Variants in ZNF644 observed in about 807,000 individuals in gnomAD.
The protein encoded by ZNF644 is zinc finger motif enhancer binding protein 2.
ZNF644 carries 20 observed loss-of-function variants against 108.0 expected under a neutral mutation model. The observed-to-expected ratio is 0.19, with a 90% CI of 0.13 to 0.27. The LOEUF (loss-of-function observed/expected upper bound fraction) is 0.27, where lower values mean the gene tolerates loss of function less well. ZNF644 is among the 10% of genes least tolerant of loss of function. The pLI is 1.00. For missense variants in ZNF644, 1,338 were observed against 1,548.9 expected (o/e 0.86, Z 2.29); for synonymous variants, 542 against 539.1 (o/e 1.01, Z -0.08).
intron 2 of ZNF644, among the ~76,000 whole-genome samples, chr1:90,950,334 G>GAAAAGAAAAC (rs1553151499): frequency 2.0e-5 from 2 of 102,482 alleles, no homozygotes; most frequent in Non-Finnish European, 4.6e-5. Context: ...CAAAAGAAAA[G>GAAAAGAAAAC]AAAAGAAAAG....
At chr1:90,961,674 T>A (rs910574819) in intron 2 of ZNF644, among the ~76,000 whole-genome samples, 1 of 152,178 alleles carries the variant, frequency 6.6e-6, no homozygotes, top group Non-Finnish European at 1.5e-5. Flanking sequence ...GGAATGTATA[T>A]TTTTCTCAAA....
chr1:90,953,142 G>A (rs1006970947), intron 2 of ZNF644, among the ~76,000 whole-genome samples: 1 of 151,876 alleles, frequency 6.6e-6, no homozygotes, highest in African/African-American at 2.4e-5. Flanking sequence ...TGTCAGACAA[G>A]GTCATTGTGC....
At chr1:90,960,869 C>A (rs1654268160) in intron 2 of ZNF644, among the ~76,000 whole-genome samples, 1 of 152,034 alleles carries the variant, frequency 6.6e-6, no homozygotes, top group Non-Finnish European at 1.5e-5. Flanking sequence ...GCAGAGAAAA[C>A]AAAGGAGTAA....
chr1:90,924,156 TA>T (rs1649767033), intron 4 of ZNF644, among the ~76,000 whole-genome samples: 1 of 152,146 alleles, frequency 6.6e-6, no homozygotes, highest in South Asian at 2.1e-4. Context: ...TACCCAAAGC[TA>T]AAAAAGCTAA....
chr1:91,001,590 A>G (rs34681680), intron 1 of ZNF644, among the ~76,000 whole-genome samples: 47,529 of 151,918 alleles, frequency 0.31, 7,718 homozygotes, highest in Middle Eastern at 0.43. Context: ...TACTGAATGG[A>G]CAAAAACTGG....
chr1:90,940,449 C>G lies in ZNF644; in HGVS notation c.905G>C (p.Arg302Pro), dbSNP rs148111132. Residue 302 changes from arginine (R) to proline (P), a missense_variant, in exon 3 of 6, where the codon CGT becomes CCT. Physicochemically the swap from Arg to Pro is moderately radical, Grantham distance 103. This residue lies in a region of ZNF644 where 464 missense variants were observed against 457.9 expected (regional missense o/e 1.01). Transcript: ENST00000337393. ...KRKMDVSKIT[R>P]YTEDCFSDSN... The stretch of plus-strand genomic sequence containing the variant: ...ATCACTAAAGCAATCCTCGGTATAA[C>G]GAGTTATCTTGCTTACATCCATTTT... The G allele has an allele frequency of 6.2e-7, 1 of 1,613,478 alleles. No individual in the cohort carries two copies. Among genetic ancestry groups the G allele is most frequent in the Admixed American group, 1.7e-5 (1 of 59,904 alleles).
chr1:91,011,723 T>C (rs550173756), intron 1 of ZNF644, among the ~76,000 whole-genome samples: 3 of 152,224 alleles, frequency 2.0e-5, no homozygotes, highest in Admixed American at 6.5e-5. Context: ...AGTTATATTC[T>C]ACTTTTCTGT....
chr1:90,937,602 G>C lies in ZNF644; in HGVS notation c.3571C>G (p.Gln1191Glu), dbSNP rs749519607. The change falls in exon 4 of 6, where the codon CAA becomes GAA. Residue 1191 changes from glutamine (Q) to glutamate (E), a missense_variant. This residue lies in a region of ZNF644 where 287 missense variants were observed against 310.9 expected (regional missense o/e 0.92). Transcript: ENST00000337393. ...CTTGCTGTCTGATTATGGATCTTTT[G>C]AGGAGAAATAGCAGAATTCCTTTCT... Reference protein sequence around the residue: ...GEERNSAISPQKIHNQTARKR... With the variant: ...GEERNSAISPEKIHNQTARKR... 1.2e-6 allele frequency: 2 copies of C among 1,613,746 alleles called. No homozygotes were observed. The highest frequency in any genetic ancestry group is 2.7e-5 in the African/African-American group (2 of 74,898).
chr1:90,975,204 C>T (rs1655873167), intron 2 of ZNF644, among the ~76,000 whole-genome samples: 1 of 152,176 alleles, frequency 6.6e-6, no homozygotes, highest in Non-Finnish European at 1.5e-5. Flanking sequence ...ATAAAACAGA[C>T]ATGGCCCTTG....
At chr1:90,964,409 C>A (rs1361412287) in intron 2 of ZNF644, among the ~76,000 whole-genome samples, 1 of 152,002 alleles carries the variant, frequency 6.6e-6, no homozygotes, top group African/African-American at 2.4e-5. Flanking sequence ...AGGTTTCTAT[C>A]AAAAATGTAT....
intron 2 of ZNF644, among the ~76,000 whole-genome samples, chr1:90,979,724 T>G (rs1441244787): frequency 6.6e-6 from 1 of 152,150 alleles, no homozygotes; most frequent in Non-Finnish European, 1.5e-5. Context: ...TCTACTTGTA[T>G]TAGTCTAACA....
At chr1:90,941,372 G>A in intron 2 of ZNF644, 63 bp from the exon 3 acceptor site, 3 of 1,425,316 alleles carry the variant, frequency 2.1e-6, no homozygotes, top group Non-Finnish European at 2.9e-6. Flanking sequence ...AGAATGTATG[G>A]AGAGTTGAAA....
In ZNF644 at chr1:90,940,812, A is replaced by G. The variant is rs940776809; in HGVS notation, c.542T>C (p.Val181Ala). 3.1e-6 allele frequency: 5 copies of G among 1,613,992 alleles called. No individual in the cohort carries two copies. The highest frequency in any genetic ancestry group is 4.2e-6 in the Non-Finnish European group (5 of 1,179,970). ...ATGGGTGGGATTCTTAGCATGTGCT[A>G]CATCTGATAACAAAAATAAAACTTG... ...QHQVLFLLSD[V>A]AHAKNPTHSN... The change falls in exon 3 of 6, where the codon GTA (valine) becomes GCA (alanine). Residue 181 changes from valine (V) to alanine (A), a missense_variant. Val to Ala is a moderately conservative substitution (Grantham distance 64). Transcript: ENST00000337393.
At position 90,940,864 on chromosome 1, in the gene ZNF644, A is replaced by C. The variant is rs1190124608; in HGVS notation, c.490T>G (p.Ser164Ala). The C allele has an allele frequency of 1.2e-6, 2 of 1,614,052 alleles. No homozygotes were observed. The highest frequency in any genetic ancestry group is 2.2e-5 in the South Asian group (2 of 91,082). ...TLKVAADLQLSTPQKASQHQV... is the reference protein window; with the variant it reads ...TLKVAADLQLATPQKASQHQV... The stretch of plus-strand genomic sequence containing the variant: ...TGTTGACTTGCTTTCTGTGGTGTAG[A>C]CAGCTGAAGATCAGCTGCTACCTTC... The change falls in exon 3 of 6, where the codon TCT becomes GCT. Residue 164 changes from serine (S) to alanine (A), a missense_variant. By Grantham distance (99) the Ser-to-Ala change is moderately conservative. Transcript: ENST00000337393.
At chr1:91,002,776 C>G (rs1299888660) in intron 1 of ZNF644, among the ~76,000 whole-genome samples, 1 of 152,116 alleles carries the variant, frequency 6.6e-6, no homozygotes, top group Non-Finnish European at 1.5e-5. Flanking sequence ...TTGCAATTTA[C>G]TCATCTGACA....
At chr1:90,972,502 T>C (rs926302585) in intron 2 of ZNF644, among the ~76,000 whole-genome samples, 14 of 152,114 alleles carry the variant, frequency 9.2e-5, no homozygotes, top group African/African-American at 3.1e-4. Flanking sequence ...ACAGGAACAT[T>C]TGTGCACTGT....
chr1:91,007,211 T>C (rs1324634789), intron 1 of ZNF644, among the ~76,000 whole-genome samples: 1 of 148,194 alleles, frequency 6.7e-6, no homozygotes, highest in African/African-American at 2.5e-5. Flanking sequence ...ATTTCTTCCA[T>C]TTTCTCCCAT....
chr1:90,998,471 C>G (rs966318636), intron 1 of ZNF644, among the ~76,000 whole-genome samples: 3 of 152,226 alleles, frequency 2.0e-5, no homozygotes, highest in African/African-American at 7.2e-5. Flanking sequence ...CCCAACAGAC[C>G]TGCAGCTGAG....
At chr1:90,928,545 G>A (rs1389933354) in intron 4 of ZNF644, among the ~76,000 whole-genome samples, 1 of 150,392 alleles carries the variant, frequency 6.6e-6, no homozygotes, top group Admixed American at 6.6e-5. Context: ...ATGGTCTCAC[G>A]CTCCTGACCT....
Sources: gnomAD v4.1 joint callset for allele counts (sites outside exome capture counted in the v4.1 genomes callset) on GRCh38, gnomAD v4.1.1 for gene constraint, gnomAD v4.1.1 regional missense constraint, MANE v1.5 for transcripts, NCBI Gene and HGNC (gene_info 2026-07-23, HGNC 2026-07-21) for gene names.